PTPRT: variants seen among roughly 807,000 people sequenced by gnomAD.
PTPRT encodes protein tyrosine phosphatase receptor type T, also known as receptor-type tyrosine-protein phosphatase T.
Under a neutral mutation model 176.8 loss-of-function variants are expected in PTPRT, and 56 were observed. That is an observed-to-expected ratio of 0.32 (90% CI 0.26 to 0.40). The LOEUF (loss-of-function observed/expected upper bound fraction) is 0.40. PTPRT is among the 10% of genes least tolerant of loss of function. PTPRT has a pLI of 1.00. For synonymous variants in PTPRT, 783 were observed against 739.0 expected (o/e 1.06, Z -0.96); for missense variants, 1,540 against 1,908.2 (o/e 0.81, Z 3.60).
intron 1 of PTPRT, among the ~76,000 whole-genome samples, chr20:42,966,146 G>A (rs557246168): frequency 1.8e-4 from 27 of 152,304 alleles, no homozygotes; most frequent in African/African-American, 6.3e-4. Context: ...CATCTGAATT[G>A]ATTTGCCTTT....
intron 1 of PTPRT, among the ~76,000 whole-genome samples, chr20:43,124,495 A>G (rs1450453453): frequency 6.6e-6 from 1 of 152,114 alleles, no homozygotes; most frequent in Non-Finnish European, 1.5e-5. Flanking sequence ...GTGCATTTGG[A>G]CCCCAGTTCA....
intron 1 of PTPRT, among the ~76,000 whole-genome samples, chr20:43,118,595 A>G (rs1346520876): frequency 6.6e-6 from 1 of 152,056 alleles, no homozygotes; most frequent in South Asian, 2.1e-4. Flanking sequence ...ACACGCCACC[A>G]TGCCCGGCTA....
At chr20:42,215,999 T>C (rs1376564223) in intron 15 of PTPRT, among the ~76,000 whole-genome samples, 1 of 152,238 alleles carries the variant, frequency 6.6e-6, no homozygotes, top group Non-Finnish European at 1.5e-5. Flanking sequence ...TGTGGATAGA[T>C]GATGACCATG....
At chr20:42,986,008 A>G (rs1195224813) in intron 1 of PTPRT, among the ~76,000 whole-genome samples, 1 of 152,240 alleles carries the variant, frequency 6.6e-6, no homozygotes. Context: ...CAGGGACATA[A>G]AATTAGTACA....
chr20:42,803,186 G>C (rs558693771), intron 2 of PTPRT, among the ~76,000 whole-genome samples: 36 of 152,342 alleles, frequency 2.4e-4, no homozygotes, highest in Admixed American at 6.5e-4. Context: ...TGACAACAAG[G>C]AACATCTCTC....
At chr20:42,899,350 G>C (rs2079360374) in intron 1 of PTPRT, among the ~76,000 whole-genome samples, 3 of 152,230 alleles carry the variant, frequency 2.0e-5, no homozygotes, top group African/African-American at 7.2e-5. Context: ...CCTGGCAGCT[G>C]TGTCAGCGTC....
At chr20:42,520,659 T>G (rs1667511620) in intron 7 of PTPRT, among the ~76,000 whole-genome samples, 2 of 152,126 alleles carry the variant, frequency 1.3e-5, no homozygotes, top group African/African-American at 4.8e-5. Flanking sequence ...GCCCCAGCTC[T>G]GAGATGAACT....
rs1362721685 is a variant in PTPRT, at chr20:42,157,044, C to T, written c.2682+4308G>A. On this transcript the variant is annotated intron_variant, in intron 17 of 30. Coordinates refer to ENST00000373187, the MANE Select transcript of PTPRT (RefSeq NM_007050.6). ...ATGGTCAGGTCCCTCTTTATTTCTC[C>T]AGTCGAATCTCCTATTACTCTTATC... 3.3e-5 allele frequency among the ~76,000 whole-genome samples: 5 copies of T among 152,166 alleles called. No homozygotes were observed. In the East Asian group the frequency reaches 7.7e-4, roughly 23 times the overall value.
At position 42,206,866 on chromosome 20, in the gene PTPRT, T is replaced by A. The variant is rs1005790753; in HGVS notation, c.2343-7478A>T. ...GCACAGACAAACAAAAAGACAGCAG[T>A]AACCTCTGCAGACTTAAATGTCCCT... is the stretch of plus-strand genomic sequence containing the variant. On this transcript the variant is annotated intron_variant, in intron 15 of 30. Coordinates refer to ENST00000373187, the MANE Select transcript of PTPRT (RefSeq NM_007050.6). Among the ~76,000 whole-genome samples, 524 of 152,334 alleles carry A rather than the reference T, an allele frequency of 3.4e-3. 4 individuals are homozygous for A. The highest frequency in any genetic ancestry group is 0.012 in the African/African-American group (502 of 41,582).
At chr20:42,054,455 C>A in the PTPRT span, among the ~76,000 whole-genome samples, 1 of 152,086 alleles carries the variant, frequency 6.6e-6, no homozygotes, top group Non-Finnish European at 1.5e-5. Flanking sequence ...ATGATTTTAG[C>A]TGAAGGTTAA....
intron 9 of PTPRT, among the ~76,000 whole-genome samples, chr20:42,423,202 G>A (rs796296966): frequency 1.5e-3 from 132 of 89,904 alleles, no homozygotes; most frequent in African/African-American, 4.2e-3. Context: ...AAAAAAAAAA[G>A]GAAGAGAAAG....
At chr20:42,124,933 G>A (rs1987779826) in intron 19 of PTPRT, among the ~76,000 whole-genome samples, 2 of 152,114 alleles carry the variant, frequency 1.3e-5, no homozygotes, top group South Asian at 4.1e-4. Context: ...TTCAAATTGG[G>A]TTTAGTCAAT....
At chr20:43,004,331 G>A (rs913546799) in intron 1 of PTPRT, among the ~76,000 whole-genome samples, 2 of 152,102 alleles carry the variant, frequency 1.3e-5, no homozygotes, top group Admixed American at 6.6e-5. Context: ...AACTATGTTC[G>A]TGTCTTCCCT....
chr20:42,339,512 C>A (rs982736000), intron 11 of PTPRT, among the ~76,000 whole-genome samples: 5 of 152,300 alleles, frequency 3.3e-5, no homozygotes, highest in East Asian at 1.9e-4. Context: ...TTCCCTATAT[C>A]ACAAGAATGA....
chr20:42,848,871 T>C (rs372631410), intron 2 of PTPRT, among the ~76,000 whole-genome samples: 1 of 152,214 alleles, frequency 6.6e-6, no homozygotes, highest in South Asian at 2.1e-4. Flanking sequence ...GGGTTCTTGG[T>C]CATGAAGTCT....
Position 42,677,862 on chromosome 20 carries a change from T to C in PTPRT, c.1153+4A>G, listed in dbSNP as rs761140811. ...ATGGAGCCTGGGAAAAAAAAAAATC[T>C]TACCTGCACACTTGGTCCTGGTGGT... On this transcript the variant is annotated splice_donor_region_variant and intron_variant, in intron 7 of 30. Transcript: ENST00000373187. 6.3e-7 allele frequency: 1 copy of C among 1,596,272 alleles called. No individual in the cohort carries two copies. Among genetic ancestry groups the C allele is most frequent in the African/African-American group, 1.4e-5 (1 of 73,606 alleles).
At chr20:42,512,914 C>A (rs2071984566) in intron 7 of PTPRT, among the ~76,000 whole-genome samples, 1 of 152,040 alleles carries the variant, frequency 6.6e-6, no homozygotes, top group Non-Finnish European at 1.5e-5. Flanking sequence ...GACTGGAGTG[C>A]AATGGCATGA....
chr20:42,814,901 A>G (rs1417538432), intron 2 of PTPRT, among the ~76,000 whole-genome samples: 1 of 152,218 alleles, frequency 6.6e-6, no homozygotes, highest in Admixed American at 6.5e-5. Context: ...ATTGCCTTCC[A>G]TAACAGAGGG....
Position 42,401,729 on chromosome 20 carries a change from A to G in PTPRT, c.1560+46491T>C, listed in dbSNP as rs546230113. On this transcript the variant is annotated intron_variant, in intron 9 of 30. Coordinates refer to ENST00000373187, the MANE Select transcript of PTPRT (RefSeq NM_007050.6). ...ATGTTGCAATGGATGTGCCCAGTAC[A>G]GGCTTAACCAAAGGATGTTAAATCC... Among the ~76,000 whole-genome samples the G allele has an allele frequency of 4.1e-3, 620 of 152,326 alleles. 4 individuals are homozygous for G. Among genetic ancestry groups the G allele is most frequent in the African/African-American group, 0.014 (597 of 41,580 alleles).
Sources: gnomAD v4.1 joint callset for allele counts (sites outside exome capture counted in the v4.1 genomes callset) on GRCh38, gnomAD v4.1.1 for gene constraint, MANE v1.5 for transcripts, NCBI Gene and HGNC (gene_info 2026-07-23, HGNC 2026-07-21) for gene names.